AP2A2: variants seen among roughly 807,000 people sequenced by gnomAD.
AP2A2 encodes the protein adaptor related protein complex 2 subunit alpha 2.
Under a neutral mutation model 104.2 loss-of-function variants are expected in AP2A2, and 32 were observed. The observed-to-expected ratio is 0.31, with a 90% CI of 0.23 to 0.41. The LOEUF is 0.41. Among genes scored for constraint, AP2A2 ranks in the 10% least tolerant of loss-of-function variants. The pLI is 1.00. For synonymous variants in AP2A2, 539 were observed against 533.3 expected, an observed-to-expected ratio of 1.01 and a Z score of -0.15; for missense variants, 912 against 1,261.0, an observed-to-expected ratio of 0.72 and a Z score of 4.19.
At chr11:982,835 G>A (rs149396569) in intron 6 of AP2A2, among the ~76,000 whole-genome samples, 15 of 151,260 alleles carry the variant, frequency 9.9e-5, no homozygotes, top group African/African-American at 3.4e-4. Context: ...ATTTTTAGTA[G>A]AGATGGGGTT....
intron 15 of AP2A2, among the ~76,000 whole-genome samples, chr11:1,002,249 G>GC (rs1856051902): frequency 6.6e-6 from 1 of 152,228 alleles, no homozygotes; most frequent in African/African-American, 2.4e-5. Flanking sequence ...CGCGTGGAGT[G>GC]CCCGCTGGCT....
intron 5 of AP2A2, among the ~76,000 whole-genome samples, chr11:979,664 C>T (rs142630792): frequency 0.023 from 3,443 of 152,248 alleles, 138 homozygotes; most frequent in African/African-American, 0.077. Context: ...TGGGTTCAGG[C>T]GATTGTCCTG....
Position 993,274 on chromosome 11 carries a change from TGCTTCGCAGGCTCTTCAG to T in AP2A2, c.1453-6_1464del. On this transcript the variant is annotated splice_acceptor_variant and splice_polypyrimidine_tract_variant and coding_sequence_variant and intron_variant, in exon 12 of 22. Coordinates refer to ENST00000448903, the MANE Select transcript of AP2A2 (RefSeq NM_012305.4). LOFTEE classifies it high-confidence loss of function. This position sits in a 1 kb window ranked among gnomAD's most constrained non-coding sequence, Gnocchi z 8.2. ...GGCTGCCACCCCGGCTCATTGTTTG[TGCTTCGCAGGCTCTTCAG>T]GCTCCCGCGTGCCACGAGAACCTGG... 1.2e-6 allele frequency: 2 copies of T among 1,601,994 alleles called. No homozygotes were observed.
rs1482663143 is a variant in AP2A2, at chr11:993,590, G to A, written c.1551-164G>A. On this transcript the variant is annotated intron_variant, in intron 12 of 21. Transcript: ENST00000448903. This position sits in a 1 kb window ranked among gnomAD's most constrained non-coding sequence, Gnocchi z 8.2. ...AGACGTGGGGTTGATGGCTGACTTA[G>A]TGAAAGGGGCGTCTTTGCGGTGGGA... Among the ~76,000 whole-genome samples the A allele has an allele frequency of 1.3e-5, 2 of 152,138 alleles. No individual in the cohort carries two copies. Among genetic ancestry groups the A allele is most frequent in the Non-Finnish European group, 2.9e-5 (2 of 68,022 alleles).
chr11:945,832 A>G (rs1404679783), intron 1 of AP2A2, among the ~76,000 whole-genome samples: 1 of 152,190 alleles, frequency 6.6e-6, no homozygotes, highest in African/African-American at 2.4e-5. Flanking sequence ...TTTTGGATAT[A>G]GAGGATGGGT....
chr11:1,003,759 C>A lies in AP2A2; in HGVS notation c.2161C>A (p.Gln721Lys). 1 of 1,609,324 alleles carries A rather than the reference C, an allele frequency of 6.2e-7. No individual in the cohort carries two copies. ...AAACAATGGTGTGTTGTTTGAAAACCAGCTGCTTCAAATTGGACTTAAGTC... is the reference window on the plus strand; with the variant it reads ...AAACAATGGTGTGTTGTTTGAAAACAAGCTGCTTCAAATTGGACTTAAGTC... ...CKNNGVLFENQLLQIGLKSEF... is the reference protein window; with the variant it reads ...CKNNGVLFENKLLQIGLKSEF... Residue 721 changes from glutamine to lysine, a missense_variant, in exon 16 of 22, where the codon CAG becomes AAG. Gln to Lys is a moderately conservative substitution (Grantham distance 53). This residue lies in a region of AP2A2 where 239 missense variants were observed against 329.8 expected (regional missense o/e 0.72). Transcript: ENST00000448903.
chr11:936,823 C>T (rs1853473304), intron 1 of AP2A2, among the ~76,000 whole-genome samples: 1 of 152,124 alleles, frequency 6.6e-6, no homozygotes, highest in Admixed American at 6.6e-5. Flanking sequence ...TCCTACAAGG[C>T]AGCACCACCG....
At chr11:982,687 G>C (rs1301782541) in intron 6 of AP2A2, among the ~76,000 whole-genome samples, 1 of 150,060 alleles carries the variant, frequency 6.7e-6, no homozygotes, top group Non-Finnish European at 1.5e-5. Context: ...TCTCGCTCTT[G>C]GTGCCCAGGT....
intron 2 of AP2A2, among the ~76,000 whole-genome samples, chr11:960,393 C>T (rs755667752): frequency 4.6e-5 from 7 of 152,116 alleles, no homozygotes; most frequent in Non-Finnish European, 7.4e-5. Flanking sequence ...CAGGCGTGTG[C>T]CACCACATGC....
chr11:1,009,979 A>T, intron 21 of AP2A2, 162 bp downstream of exon 21: 1 of 850,284 alleles, frequency 1.2e-6, no homozygotes, highest in Non-Finnish European at 1.8e-6. Flanking sequence ...GCCTCCCCGC[A>T]GCTGGCCACC....
intron 5 of AP2A2, among the ~76,000 whole-genome samples, chr11:979,608 C>T (rs1469939873): frequency 6.6e-6 from 1 of 152,194 alleles, no homozygotes; most frequent in Non-Finnish European, 1.5e-5. Context: ...GTCACCCAGG[C>T]TGGAGTGCAG....
chr11:939,518 C>T (rs1472806747), intron 1 of AP2A2, among the ~76,000 whole-genome samples: 2 of 151,374 alleles, frequency 1.3e-5, no homozygotes, highest in African/African-American at 2.4e-5. Context: ...GATCTCGGCT[C>T]ACTGCAACCT....
intron 5 of AP2A2, 22 bp from the exon 6 acceptor site, chr11:981,176 T>C (rs1470503178): frequency 6.3e-7 from 1 of 1,591,696 alleles, no homozygotes; most frequent in African/African-American, 1.3e-5. Context: ...GTTCTGACTC[T>C]TGTGTGTGTG....
At chr11:959,586 CT>C (rs1854358971) in intron 2 of AP2A2, 81 bp downstream of exon 2, 2 of 895,504 alleles carry the variant, frequency 2.2e-6, no homozygotes, top group Non-Finnish European at 3.5e-6. Context: ...ATACTGTCTT[CT>C]TTTCTCCCAC....
At chr11:953,795 G>A (rs955779079) in intron 1 of AP2A2, among the ~76,000 whole-genome samples, 1 of 151,696 alleles carries the variant, frequency 6.6e-6, no homozygotes, top group African/African-American at 2.4e-5. Flanking sequence ...CTGTCCTCAG[G>A]TCTGGCCGAG....
chr11:961,471 A>T (rs1473800817), intron 2 of AP2A2, among the ~76,000 whole-genome samples: 7 of 145,186 alleles, frequency 4.8e-5, no homozygotes, highest in African/African-American at 1.8e-4. Flanking sequence ...CGCCACCACC[A>T]GTGAAAAGTA....
intron 16 of AP2A2, among the ~76,000 whole-genome samples, chr11:1,004,854 C>T (rs544236327): frequency 6.6e-6 from 1 of 152,200 alleles, no homozygotes; most frequent in East Asian, 1.9e-4. Flanking sequence ...AGAGTGTCTG[C>T]AGGGCGTGGT....
At chr11:1,003,640 C>A in intron 15 of AP2A2, 82 bp from the exon 16 acceptor site, 2 of 860,106 alleles carry the variant, frequency 2.3e-6, no homozygotes, top group South Asian at 2.0e-5. Context: ...CCTCCTCGTG[C>A]TGTGAGTTTT....
At position 947,164 on chromosome 11, in the gene AP2A2, C is replaced by G. The variant is rs528424101; in HGVS notation, c.68-12273C>G. 1.4e-4 allele frequency among the ~76,000 whole-genome samples: 21 copies of G among 152,188 alleles called. No individual in the cohort carries two copies. The South Asian group carries it at 4.1e-3, about 30-fold the overall frequency. ...TAGCTGGGATTACAGACTCCCGCCA[C>G]CAGGCCCAGCTAATTTTTGTATTTT... On this transcript the variant is annotated intron_variant, in intron 1 of 21. Transcript: ENST00000448903.
Sources: allele counts gnomAD v4.1 joint callset (sites outside exome capture counted in the v4.1 genomes callset), GRCh38; gene constraint gnomAD v4.1.1; regional missense constraint gnomAD v4.1.1; non-coding constraint Gnocchi (gnomAD v3.1); transcripts MANE v1.5; gene names NCBI Gene and HGNC (gene_info 2026-07-23, HGNC 2026-07-21).